Variants in TENM3 observed in about 807,000 individuals in gnomAD.
The protein encoded by TENM3 is teneurin transmembrane protein 3.
Under a neutral mutation model 255.1 loss-of-function variants are expected in TENM3, and 63 were observed. That is an observed-to-expected ratio of 0.25 (90% CI 0.20 to 0.30). The LOEUF is 0.30. Among genes scored for constraint, TENM3 ranks in the 10% least tolerant of loss-of-function variants. The pLI is 1.00. For missense variants in TENM3, 2,929 were observed against 3,461.1 expected (o/e 0.85, Z 3.86); for synonymous variants, 1,306 against 1,322.3 (o/e 0.99, Z 0.27).
rs1056347570 is a variant in TENM3 at position 182,801,638 on chromosome 4, T to G, written c.*1287T>G. On this transcript the variant is annotated 3_prime_UTR_variant, in exon 28 of 28. Transcript: ENST00000511685. Reference sequence around the variant, plus strand: ...TAGTCGTGATCCTAAACACGTGTCTTAAGATCTAGGAAAGACAGCAGAAAC... The same window carrying G: ...TAGTCGTGATCCTAAACACGTGTCTGAAGATCTAGGAAAGACAGCAGAAAC... The G allele has an allele frequency of 2.0e-5, 3 of 152,204 alleles. No individual in the cohort carries two copies. Among genetic ancestry groups the G allele is most frequent in the Non-Finnish European group, 4.4e-5 (3 of 68,062 alleles). 9.4% of individuals were successfully genotyped at this position (152,204 alleles called of 1,614,324 possible). A position where few individuals can be genotyped will look rare whatever the true frequency, so the allele number is the denominator to read the frequency against.
At chr4:182,172,902 A>G (rs1303562154) in intron 1 of TENM3, among the ~76,000 whole-genome samples, 1 of 152,224 alleles carries the variant, frequency 6.6e-6, no homozygotes, top group Non-Finnish European at 1.5e-5. Flanking sequence ...GGAAATGGAT[A>G]TGCCCAATGC....
At chr4:182,283,775 C>T (rs1760552349) in intron 1 of TENM3, among the ~76,000 whole-genome samples, 1 of 152,124 alleles carries the variant, frequency 6.6e-6, no homozygotes. Context: ...AAAGAATGGG[C>T]AGATGGGGCA....
chr4:182,121,924 T>C, the TENM3 span, among the ~76,000 whole-genome samples: 9 of 152,362 alleles, frequency 5.9e-5, no homozygotes, highest in East Asian at 1.5e-3. Flanking sequence ...TCTTTCAAAA[T>C]TGGAGTCAAT....
chr4:182,059,763 G>T, the TENM3 span, among the ~76,000 whole-genome samples: 4 of 86,642 alleles, frequency 4.6e-5, no homozygotes, highest in African/African-American at 1.5e-4. Flanking sequence ...AAAAAAAAAA[G>T]AAAAAAAAAA....
chr4:181,897,583 A>G, the TENM3 span, among the ~76,000 whole-genome samples: 1 of 152,244 alleles, frequency 6.6e-6, no homozygotes, highest in Non-Finnish European at 1.5e-5. Context: ...TGCAAGAACA[A>G]GATTCATAGC....
chr4:181,566,200 A>T, the TENM3 span, among the ~76,000 whole-genome samples: 1 of 152,344 alleles, frequency 6.6e-6, no homozygotes, highest in Non-Finnish European at 1.5e-5. Context: ...AACTTTTAGT[A>T]TACTAAGCAA....
At chr4:182,417,333 T>C (rs1252833117) in intron 3 of TENM3, among the ~76,000 whole-genome samples, 3 of 152,190 alleles carry the variant, frequency 2.0e-5, no homozygotes, top group Admixed American at 6.5e-5. Context: ...ATTTTGGACC[T>C]TGTTTCTCAG....
At chr4:181,830,774 A>T in the TENM3 span, among the ~76,000 whole-genome samples, 1 of 152,150 alleles carries the variant, frequency 6.6e-6, no homozygotes, top group Non-Finnish European at 1.5e-5. Context: ...ATCTTTAACC[A>T]CTTGATAGTC....
chr4:182,260,105 G>A (rs1178589349), intron 1 of TENM3, among the ~76,000 whole-genome samples: 1 of 152,162 alleles, frequency 6.6e-6, no homozygotes, highest in Non-Finnish European at 1.5e-5. Context: ...TCCATTGTGT[G>A]TATGGACTAA....
chr4:182,227,076 A>G (rs1756207312), intron 1 of TENM3, among the ~76,000 whole-genome samples: 1 of 152,068 alleles, frequency 6.6e-6, no homozygotes, highest in Non-Finnish European at 1.5e-5. Context: ...TATCTCTTTG[A>G]ATTTGTAAAT....
intron 6 of TENM3, among the ~76,000 whole-genome samples, chr4:182,667,337 C>T (rs945093364): frequency 6.6e-6 from 1 of 151,842 alleles, no homozygotes; most frequent in African/African-American, 2.4e-5. Context: ...ATTACAGGCG[C>T]CCGCCACCAC....
chr4:182,664,120 A>G (rs973280238), intron 6 of TENM3, among the ~76,000 whole-genome samples: 1 of 152,172 alleles, frequency 6.6e-6, no homozygotes, highest in African/African-American at 2.4e-5. Context: ...CATGCCTCCC[A>G]GATACCGTGT....
the TENM3 span, among the ~76,000 whole-genome samples, chr4:181,823,095 G>A: frequency 2.6e-5 from 4 of 152,280 alleles, no homozygotes; most frequent in African/African-American, 7.2e-5. Flanking sequence ...TTCAGAGTAC[G>A]AAGTCAAGCA....
chr4:181,762,621 G>C, the TENM3 span, among the ~76,000 whole-genome samples: 1 of 152,134 alleles, frequency 6.6e-6, no homozygotes, highest in African/African-American at 2.4e-5. Flanking sequence ...TCAACTCTTG[G>C]GTGAGAAGCA....
chr4:182,597,332 A>G (rs780302862), intron 3 of TENM3, among the ~76,000 whole-genome samples: 1 of 152,104 alleles, frequency 6.6e-6, no homozygotes, highest in Admixed American at 6.6e-5. Flanking sequence ...TCACTTGAGC[A>G]TGGGAGGTAG....
the TENM3 span, among the ~76,000 whole-genome samples, chr4:181,872,524 C>T: frequency 2.0e-5 from 3 of 151,770 alleles, no homozygotes; most frequent in African/African-American, 2.4e-5. Context: ...CTCTATGTGT[C>T]GATGTGACAA....
chr4:182,363,363 A>G (rs999507950), intron 3 of TENM3, among the ~76,000 whole-genome samples: 1 of 151,974 alleles, frequency 6.6e-6, no homozygotes, highest in Non-Finnish European at 1.5e-5. Context: ...ATGTGTATAT[A>G]TTGATATATG....
chr4:182,141,050 A>T (rs895315980), upstream of TENM3: 1 of 132,528 alleles, frequency 7.5e-6, no homozygotes, highest in Non-Finnish European at 1.5e-5. Flanking sequence ...CATTCCTAGG[A>T]CTAGGGCTAG....
At chr4:181,453,171 A>G in the TENM3 span, among the ~76,000 whole-genome samples, 2 of 152,208 alleles carry the variant, frequency 1.3e-5, no homozygotes, top group Non-Finnish European at 2.9e-5. Flanking sequence ...CTGCAAGACG[A>G]CGACAAGGGA....
Sources: gnomAD v4.1 joint callset for allele counts (sites outside exome capture counted in the v4.1 genomes callset) on GRCh38, gnomAD v4.1.1 for gene constraint, MANE v1.5 for transcripts, NCBI Gene and HGNC (gene_info 2026-07-23, HGNC 2026-07-21) for gene names.